The following C8orf74 variants were observed in gnomAD, a reference collection of about 807,000 sequenced individuals.
C8orf74 encodes the protein uncharacterized protein C8orf74.
Under a neutral mutation model 22.2 loss-of-function variants are expected in C8orf74, and 29 were observed. The ratio of observed to expected loss-of-function variants is 1.31; its 90% CI spans 0.97 to 1.78. The LOEUF (loss-of-function observed/expected upper bound fraction) is 1.78, where lower values mean the gene tolerates loss of function less well. C8orf74 is among the 40% of genes most tolerant of loss of function. C8orf74 has a pLI of 0.00. For synonymous variants in C8orf74, 255 were observed against 163.1 expected (o/e 1.56, Z -4.30); for missense variants, 515 against 369.9 (o/e 1.39, Z -3.22).
rs759463953 is a variant in C8orf74, at chr8:10,697,759, G to A, written c.402G>A (p.Gln134=). The A allele has an allele frequency of 1.9e-6, 3 of 1,613,954 alleles. No homozygotes were observed. The highest frequency in any genetic ancestry group is 1.3e-5 in the African/African-American group (1 of 74,940). ...AGTATGTCCTGGGCCAGGACCAGCAGGTCGACCTGACCGTTGCCCACCTGG... is the reference window on the plus strand; with the variant it reads ...AGTATGTCCTGGGCCAGGACCAGCAAGTCGACCTGACCGTTGCCCACCTGG... ...LYQYVLGQDQ[Q]VDLTVAHLEV... The change falls in exon 3 of 4, where the codon CAG becomes CAA. Residue 134 remains glutamine, a synonymous_variant. Coordinates refer to ENST00000304519, the MANE Select transcript of C8orf74 (RefSeq NM_001040032.2).
intron 2 of C8orf74, chr8:10,693,042 G>A (rs1799416830): frequency 6.6e-6 from 1 of 152,340 alleles, no homozygotes; most frequent in Non-Finnish European, 1.5e-5. Context: ...GCCTCTGCCA[G>A]ATGGCGGTCC....
chr8:10,697,868 C>T lies in C8orf74; in HGVS notation c.511C>T (p.Leu171=), dbSNP rs776713924. The T allele has an allele frequency of 1.9e-6, 3 of 1,613,222 alleles. No individual in the cohort carries two copies. The highest frequency in any genetic ancestry group is 2.2e-5 in the East Asian group (1 of 44,862). ...GATCCACGAGCAGCAGGTGGCCACA[C>T]TGACGGAGGCCGAGGCACAGAAGCG... The part of the protein sequence containing the change: ...LWIHEQQVAT[L]TEAEAQKRAD... Residue 171 remains leucine, a synonymous_variant, in exon 3 of 4, where the codon CTG becomes TTG. Coordinates refer to ENST00000304519, the MANE Select transcript of C8orf74 (RefSeq NM_001040032.2).
At position 10,674,802 on chromosome 8, in the gene C8orf74, G is replaced by A. The variant is rs779095049; in HGVS notation, c.205G>A (p.Val69Ile). ...GFPWVEVAQV[V>I]KFTEELLRET... ...CCCATGGGTGGAGGTGGCCCAGGTG[G>A]TCAAGTTCACAGAAGAGCTGCTAAG... is the stretch of plus-strand genomic sequence containing the variant. The change falls in exon 2 of 4, where the codon GTC (valine) becomes ATC (isoleucine). Residue 69 changes from valine to isoleucine, a missense_variant. Transcript: ENST00000304519. 6.2e-7 allele frequency: 1 copy of A among 1,605,804 alleles called. No homozygotes were observed.
At chr8:10,680,423 T>G (rs922088037) in intron 2 of C8orf74, among the ~76,000 whole-genome samples, 22 of 152,212 alleles carry the variant, frequency 1.4e-4, no homozygotes, top group African/African-American at 5.3e-4. Context: ...CAATGTTCGC[T>G]ACCATATGGC....
intron 2 of C8orf74, among the ~76,000 whole-genome samples, chr8:10,693,601 C>A (rs10088259): frequency 0.098 from 14,959 of 152,232 alleles, 2,402 homozygotes; most frequent in African/African-American, 0.34. Flanking sequence ...TGAGAATACA[C>A]AGGTGGCCAT....
rs576761991 is a variant in C8orf74, at chr8:10,693,569, C to G, written c.242-4030C>G. Among the ~76,000 whole-genome samples the G allele has an allele frequency of 2.3e-4, 35 of 152,332 alleles. 1 individual carries two copies. Among genetic ancestry groups the G allele is most frequent in the African/African-American group, 8.2e-4 (34 of 41,562 alleles). On this transcript the variant is annotated intron_variant, in intron 2 of 3. Coordinates refer to ENST00000304519, the MANE Select transcript of C8orf74 (RefSeq NM_001040032.2). ...AGACTTTGATTGGGCCCCTCCTGTACACAAATCCCAATGCTGGGGGCTGAG... is the reference window on the plus strand; with the variant it reads ...AGACTTTGATTGGGCCCCTCCTGTAGACAAATCCCAATGCTGGGGGCTGAG...
At chr8:10,695,838 G>A (rs770519222) in intron 2 of C8orf74, among the ~76,000 whole-genome samples, 10 of 152,140 alleles carry the variant, frequency 6.6e-5, no homozygotes, top group Admixed American at 1.3e-4. Flanking sequence ...GGAAAAGCCC[G>A]GCTCCTTGCC....
At chr8:10,695,847 C>A (rs1354653141) in intron 2 of C8orf74, among the ~76,000 whole-genome samples, 1 of 152,152 alleles carries the variant, frequency 6.6e-6, no homozygotes, top group Non-Finnish European at 1.5e-5. Flanking sequence ...CGGCTCCTTG[C>A]CTACAGCATG....
In C8orf74 at chr8:10,690,944, G is replaced by T. The variant is rs144264876; in HGVS notation, c.242-6655G>T. The T allele has an allele frequency of 1.9e-3, 849 of 456,178 alleles. 7 individuals carry two copies. The highest frequency in any genetic ancestry group is 0.016 in the African/African-American group (784 of 50,168). 28.3% of individuals were successfully genotyped at this position (456,178 alleles called of 1,614,324 possible). A position where few individuals can be genotyped will look rare whatever the true frequency, so the allele number is the denominator to read the frequency against. On this transcript the variant is annotated intron_variant, in intron 2 of 3. Transcript: ENST00000304519. Reference sequence around the variant, plus strand: ...CCAATGCAAATGAGGGCCACTCCCTGTTATTGAAGAGCAACTTGCAGGCAC... The same window carrying T: ...CCAATGCAAATGAGGGCCACTCCCTTTTATTGAAGAGCAACTTGCAGGCAC...
At chr8:10,684,740 A>C (rs1799224997) in intron 2 of C8orf74, among the ~76,000 whole-genome samples, 1 of 152,250 alleles carries the variant, frequency 6.6e-6, no homozygotes, top group Admixed American at 6.5e-5. Context: ...AAACCTCAGC[A>C]TATGATTTTC....
rs1451738829 is a variant in C8orf74, at chr8:10,697,637, A to C, written c.280A>C (p.Lys94Gln). 10 of 1,613,908 alleles carry C rather than the reference A, an allele frequency of 6.2e-6. No homozygotes were observed. Among genetic ancestry groups the C allele is most frequent in the Non-Finnish European group, 6.8e-6 (8 of 1,179,858 alleles). Residue 94 changes from lysine to glutamine, a missense_variant, in exon 3 of 4, where the codon AAG (lysine) becomes CAG (glutamine). Lys to Gln is a moderately conservative substitution (Grantham distance 53). Coordinates refer to ENST00000304519, the MANE Select transcript of C8orf74 (RefSeq NM_001040032.2). ...TGAGGCTGTGACGATCCTGGGGAAC[A>C]AGCTTAGAGATTACCGGGGCCATTT... ...ITEAVTILGN[K>Q]LRDYRGHFNT...
intron 2 of C8orf74, chr8:10,688,705 A>T (rs1799313512): frequency 6.6e-6 from 1 of 152,262 alleles, no homozygotes; most frequent in Non-Finnish European, 1.5e-5. Context: ...GCCCATCCTG[A>T]TGAGGTCAGG....
intron 2 of C8orf74, among the ~76,000 whole-genome samples, chr8:10,696,646 C>T (rs1386849304): frequency 6.6e-6 from 1 of 151,772 alleles, no homozygotes; most frequent in African/African-American, 2.4e-5. Flanking sequence ...CGGGGTTTTG[C>T]CATGTTGGCC....
intron 2 of C8orf74, among the ~76,000 whole-genome samples, chr8:10,684,879 A>C (rs1799228289): frequency 6.6e-6 from 1 of 152,180 alleles, no homozygotes; most frequent in Admixed American, 6.5e-5. Flanking sequence ...TAAGTCAAAT[A>C]AGGGTGACTT....
chr8:10,690,983 C>A (rs751314317), intron 2 of C8orf74: 1 of 455,144 alleles, frequency 2.2e-6, no homozygotes, highest in African/African-American at 2.0e-5. Flanking sequence ...TCTGTCCGCC[C>A]GGCAGCCAGC....
chr8:10,691,576 CAG>C (rs879656315), intron 2 of C8orf74: 2 of 153,040 alleles, frequency 1.3e-5, no homozygotes, highest in Non-Finnish European at 2.9e-5. Context: ...CGCACACACA[CAG>C]GCCCAGAGTC....
At chr8:10,697,151 C>T (rs760746179) in intron 2 of C8orf74, among the ~76,000 whole-genome samples, 4 of 152,080 alleles carry the variant, frequency 2.6e-5, no homozygotes, top group Non-Finnish European at 5.9e-5. Flanking sequence ...ATAAGAATTG[C>T]AGTTAGGGCC....
At chr8:10,674,943 G>A in intron 2 of C8orf74, 105 bp downstream of exon 2, 1 of 954,780 alleles carries the variant, frequency 1.0e-6, no homozygotes, top group South Asian at 1.8e-5. Context: ...GAGGAGCCAG[G>A]GCCCCTTCCT....
At chr8:10,691,016 C>A (rs189142592) in intron 2 of C8orf74, 13 of 443,048 alleles carry the variant, frequency 2.9e-5, no homozygotes, top group Non-Finnish European at 5.5e-5. Flanking sequence ...AGACTTAATC[C>A]CTCCACTTTC....
Sources: gnomAD v4.1 joint callset for allele counts (sites outside exome capture counted in the v4.1 genomes callset) on GRCh38, gnomAD v4.1.1 for gene constraint, MANE v1.5 for transcripts, NCBI Gene and HGNC (gene_info 2026-07-23, HGNC 2026-07-21) for gene names.